RGS17: variants seen among roughly 807,000 people sequenced by gnomAD.
RGS17 encodes regulator of G-protein signaling 17.
RGS17 carries 12 observed loss-of-function variants against 25.5 expected under a neutral mutation model. The ratio of observed to expected loss-of-function variants is 0.47; its 90% CI spans 0.30 to 0.76. RGS17 has a LOEUF of 0.76. Among genes scored for constraint, RGS17 ranks in the 30% least tolerant of loss-of-function variants. The pLI is 0.07. For missense variants in RGS17, 196 were observed against 242.2 expected, an observed-to-expected ratio of 0.81 and a Z score of 1.27; for synonymous variants, 71 against 76.9, an observed-to-expected ratio of 0.92 and a Z score of 0.40.
intron 1 of RGS17, among the ~76,000 whole-genome samples, chr6:153,097,953 G>A (rs1328426763): frequency 2.0e-5 from 3 of 152,092 alleles, no homozygotes; most frequent in Non-Finnish European, 4.4e-5. Flanking sequence ...CTGTTCAATA[G>A]GTGGAATAAG....
chr6:153,090,609 G>A lies in RGS17; in HGVS notation c.-26+40515C>T, dbSNP rs374245967. Among the ~76,000 whole-genome samples the A allele has an allele frequency of 3.2e-4, 49 of 151,970 alleles. 8 individuals carry two copies. Among genetic ancestry groups the A allele is most frequent in the Admixed American group, 2.1e-3 (32 of 15,238 alleles). On this transcript the variant is annotated intron_variant, in intron 1 of 4. Transcript: ENST00000206262. ...GCCACTACACTCCAGCCTGGGCAAC[G>A]AAATGAGGCCTTGTCACAAAAAAAA...
chr6:153,019,168 G>C (rs1442093670), intron 4 of RGS17, among the ~76,000 whole-genome samples: 1 of 152,184 alleles, frequency 6.6e-6, no homozygotes, highest in Non-Finnish European at 1.5e-5. Context: ...ACTAGGACGT[G>C]GAGGTTCCAG....
intron 1 of RGS17, among the ~76,000 whole-genome samples, chr6:153,074,525 T>C (rs1246910397): frequency 2.0e-5 from 3 of 152,208 alleles, no homozygotes; most frequent in African/African-American, 7.2e-5. Flanking sequence ...AGAATGGATG[T>C]TGGAAATCGC....
intron 1 of RGS17, among the ~76,000 whole-genome samples, chr6:153,089,571 T>A (rs1226648874): frequency 6.6e-6 from 1 of 152,184 alleles, no homozygotes; most frequent in Admixed American, 6.5e-5. Context: ...TCTAAGTAGA[T>A]GTGTTCAAAA....
intron 1 of RGS17, among the ~76,000 whole-genome samples, chr6:153,073,103 T>C (rs934640091): frequency 6.6e-6 from 1 of 152,192 alleles, no homozygotes. Flanking sequence ...GTAATGAAAG[T>C]TTGTAGGATG....
intron 1 of RGS17, among the ~76,000 whole-genome samples, chr6:153,075,459 G>A (rs1257875021): frequency 6.6e-6 from 1 of 152,168 alleles, no homozygotes; most frequent in Non-Finnish European, 1.5e-5. Context: ...GTCTGATGTG[G>A]ATCTCACATT....
chr6:153,022,141 G>T (rs1779253849), intron 4 of RGS17, among the ~76,000 whole-genome samples: 1 of 152,190 alleles, frequency 6.6e-6, no homozygotes, highest in Non-Finnish European at 1.5e-5. Context: ...CCAGGAGGTG[G>T]AGGTTGCAGT....
At chr6:153,037,621 T>C (rs562526506) in intron 2 of RGS17, among the ~76,000 whole-genome samples, 1 of 151,390 alleles carries the variant, frequency 6.6e-6, no homozygotes, top group African/African-American at 2.4e-5. Flanking sequence ...AGACGGGGTT[T>C]CACCATGTTG....
At chr6:153,066,131 T>C (rs552856668) in intron 1 of RGS17, among the ~76,000 whole-genome samples, 2 of 152,280 alleles carry the variant, frequency 1.3e-5, no homozygotes, top group East Asian at 1.9e-4. Flanking sequence ...CAAAGGATCA[T>C]TAGAGGCTAC....
intron 1 of RGS17, among the ~76,000 whole-genome samples, chr6:153,121,581 A>G (rs1229903676): frequency 6.6e-6 from 1 of 152,226 alleles, no homozygotes; most frequent in Non-Finnish European, 1.5e-5. Context: ...CTTAATAAAT[A>G]TTTTAGATAT....
intron 1 of RGS17, among the ~76,000 whole-genome samples, chr6:153,063,218 C>T (rs1033714444): frequency 6.6e-6 from 1 of 152,080 alleles, no homozygotes; most frequent in Non-Finnish European, 1.5e-5. Context: ...AAAAGGACCT[C>T]ACCAAATGAA....
At chr6:153,113,948 A>G (rs1777509888) in intron 1 of RGS17, among the ~76,000 whole-genome samples, 1 of 152,252 alleles carries the variant, frequency 6.6e-6, no homozygotes. Flanking sequence ...AGGGAAATTT[A>G]TAGCACTAAA....
At chr6:153,126,348 G>A (rs1399882028) in intron 1 of RGS17, among the ~76,000 whole-genome samples, 1 of 152,216 alleles carries the variant, frequency 6.6e-6, no homozygotes, top group Non-Finnish European at 1.5e-5. Flanking sequence ...TACTGATTCC[G>A]GACTTCTAAA....
chr6:153,069,671 T>C lies in RGS17; in HGVS notation c.-25-25628A>G, dbSNP rs559662417. On this transcript the variant is annotated intron_variant, in intron 1 of 4. Transcript: ENST00000206262. ...GCTTGAGAGGATATGCTGTTCTCCA[T>C]GATATAATTATTATGAATTGCATGC... Among the ~76,000 whole-genome samples the C allele has an allele frequency of 2.0e-5, 3 of 152,154 alleles. No individual in the cohort carries two copies. In the East Asian group the frequency reaches 5.8e-4, roughly 29 times the overall value.
chr6:153,091,584 C>A (rs1777131823), intron 1 of RGS17, among the ~76,000 whole-genome samples: 1 of 151,904 alleles, frequency 6.6e-6, no homozygotes, highest in Non-Finnish European at 1.5e-5. Context: ...GCAATCTTGG[C>A]TCACTGCAAA....
Position 153,106,909 on chromosome 6 carries a change from T to C in RGS17, c.-26+24215A>G, listed in dbSNP as rs964897243. The stretch of plus-strand genomic sequence containing the variant: ...TCGGCCTCCCAAAGTACTGGGATTA[T>C]AGGCGTCAGCCACCGTGCCTGGCTG... On this transcript the variant is annotated intron_variant, in intron 1 of 4. Transcript: ENST00000206262. Among the ~76,000 whole-genome samples the C allele has an allele frequency of 1.7e-4, 26 of 151,958 alleles. 1 individual carries two copies. Among genetic ancestry groups the C allele is most frequent in the Admixed American group, 8.5e-4 (13 of 15,284 alleles).
intron 1 of RGS17, among the ~76,000 whole-genome samples, chr6:153,101,418 G>A (rs973256667): frequency 1.3e-5 from 2 of 152,120 alleles, no homozygotes; most frequent in African/African-American, 2.4e-5. Flanking sequence ...GAACCAATCC[G>A]CCATGGAGGC....
At chr6:153,026,702 A>G (rs1392751163) in intron 2 of RGS17, among the ~76,000 whole-genome samples, 159 bp from the exon 3 acceptor site, 3 of 152,254 alleles carry the variant, frequency 2.0e-5, no homozygotes, top group Admixed American at 1.3e-4. Flanking sequence ...AATGATGGGC[A>G]AGCCCATGTC....
rs1448416242 is a variant in RGS17 at position 153,011,695 on chromosome 6, T to A, written c.512A>T (p.Tyr171Phe). 5 of 1,612,934 alleles carry A rather than the reference T, an allele frequency of 3.1e-6. No homozygotes were observed. The highest frequency in any genetic ancestry group is 3.4e-6 in the Non-Finnish European group (4 of 1,179,054). ...ATATATCTGAAGTTGGGCATCTTCA[T>A]ACATGTGAGGATTGGGATCCAACAG... ...RNLLDPNPHM[Y>F]EDAQLQIYTL... Residue 171 changes from tyrosine to phenylalanine, a missense_variant, in exon 5 of 5, where the codon TAT becomes TTT. Around this residue, in one of 2 missense-constraint regions of RGS17, gnomAD observed 179 missense variants for 197.6 expected, o/e 0.91. Coordinates refer to ENST00000206262, the MANE Select transcript of RGS17 (RefSeq NM_012419.5).
Sources: allele counts gnomAD v4.1 joint callset (sites outside exome capture counted in the v4.1 genomes callset), GRCh38; gene constraint gnomAD v4.1.1; regional missense constraint gnomAD v4.1.1; transcripts MANE v1.5; gene names NCBI Gene and HGNC (gene_info 2026-07-23, HGNC 2026-07-21).